PPARA: variants seen among roughly 807,000 people sequenced by gnomAD.
PPARA encodes peroxisome proliferator activated receptor alpha, also known as peroxisome proliferator-activated receptor alpha.
In PPARA, 22 loss-of-function variants were observed where a neutral mutation model predicts 42.2. That is an observed-to-expected ratio of 0.52 (90% CI 0.37 to 0.74). The LOEUF is 0.74. Among genes scored for constraint, PPARA ranks in the 30% least tolerant of loss-of-function variants. The pLI is 0.00. For missense variants in PPARA, 465 were observed against 608.2 expected, an observed-to-expected ratio of 0.76 and a Z score of 2.48; for synonymous variants, 242 against 239.3, an observed-to-expected ratio of 1.01 and a Z score of -0.10.
chr22:46,206,406 C>T (rs1489872859), intron 4 of PPARA, among the ~76,000 whole-genome samples: 2 of 152,196 alleles, frequency 1.3e-5, no homozygotes. Context: ...TGAGCCACCG[C>T]ACCCAGCCTA....
rs775433289 is a variant in PPARA at position 46,219,798 on chromosome 22, C to T, written c.509-14C>T. On this transcript the variant is annotated splice_polypyrimidine_tract_variant and intron_variant, in intron 6 of 8. Coordinates refer to ENST00000407236, the MANE Select transcript of PPARA (RefSeq NM_005036.6). This position sits in a 1 kb window ranked among gnomAD's most constrained non-coding sequence, Gnocchi z 4.8. ...CTCACTGCTCATGCCTGTGTTTCCC[C>T]CTCCAAACCCTAGCGATTCGTTTTG... 6.8e-6 allele frequency: 11 copies of T among 1,613,860 alleles called. No homozygotes were observed. The highest frequency in any genetic ancestry group is 9.3e-6 in the Non-Finnish European group (11 of 1,179,962).
intron 4 of PPARA, among the ~76,000 whole-genome samples, chr22:46,201,689 T>C (rs929933966): frequency 2.0e-5 from 3 of 152,086 alleles, no homozygotes; most frequent in South Asian, 4.1e-4. Context: ...GTCGTTGTTA[T>C]GTTTATTTAA....
At position 46,210,269 on chromosome 22, in the gene PPARA, A is replaced by G. The variant is rs1020179460; in HGVS notation, c.209-4904A>G. 2.9e-4 allele frequency among the ~76,000 whole-genome samples: 41 copies of G among 142,916 alleles called. 1 individual carries two copies. The highest frequency in any genetic ancestry group is 3.3e-3 in the Middle Eastern group (1 of 300). 93.8% of individuals were successfully genotyped at this position (142,916 alleles called of 152,430 possible). ...GGTTGTGGTGAGCCGAGATCACACC[A>G]TTGGACTCCAGCCTGGGCAACAAGA... On this transcript the variant is annotated intron_variant, in intron 4 of 8. Coordinates refer to ENST00000407236, the MANE Select transcript of PPARA (RefSeq NM_005036.6).
Position 46,188,475 on chromosome 22 carries a change from A to G in PPARA, c.-42-9867A>G. Among the ~76,000 whole-genome samples the G allele has an allele frequency of 6.6e-6, 1 of 152,186 alleles. No individual in the cohort carries two copies. Among genetic ancestry groups the G allele is most frequent in the African/African-American group, 2.4e-5 (1 of 41,512 alleles). On this transcript the variant is annotated intron_variant, in intron 3 of 8. Coordinates refer to ENST00000407236, the MANE Select transcript of PPARA (RefSeq NM_005036.6). This position sits in a 1 kb window ranked among gnomAD's most constrained non-coding sequence, Gnocchi z 5.0. ...CTCCCTGGCCCTCCAGGATTCCCCC[A>G]GTAACAGCCCTCATCATGCTGCCTT...
rs756154676 is a variant in PPARA, at chr22:46,198,421, C to A, written c.38C>A (p.Pro13Gln). The change falls in exon 4 of 9, where the codon CCA (proline) becomes CAA (glutamine). Residue 13 changes from proline (P) to glutamine (Q), a missense_variant. Physicochemically the swap from Pro to Gln is moderately conservative, Grantham distance 76. This residue lies in a region of PPARA where 152 missense variants were observed against 139.1 expected (regional missense o/e 1.09). Coordinates refer to ENST00000407236, the MANE Select transcript of PPARA (RefSeq NM_005036.6). Reference protein sequence around the residue: ...DTESPLCPLSPLEAGDLESPL... With the variant: ...DTESPLCPLSQLEAGDLESPL... ...GAAAGCCCACTCTGCCCCCTCTCCC[C>A]ACTCGAGGCCGGCGATCTAGAGAGC... 2.5e-6 allele frequency: 4 copies of A among 1,613,774 alleles called. No homozygotes were observed. Among genetic ancestry groups the A allele is most frequent in the African/African-American group, 1.3e-5 (1 of 74,848 alleles).
In PPARA at chr22:46,225,284, A is replaced by G. The variant is rs1156358006; in HGVS notation, c.711+5270A>G. On this transcript the variant is annotated intron_variant, in intron 7 of 8. Coordinates refer to ENST00000407236, the MANE Select transcript of PPARA (RefSeq NM_005036.6). This position sits in a 1 kb window ranked among gnomAD's most constrained non-coding sequence, Gnocchi z 4.1. ...GGGGAAGGGCGCCTCTGGGGAACTC[A>G]CTGCCCCTTGATTTGAGGGTAACAG... 1.3e-5 allele frequency among the ~76,000 whole-genome samples: 2 copies of G among 152,126 alleles called. No homozygotes were observed. The highest frequency in any genetic ancestry group is 4.8e-5 in the African/African-American group (2 of 41,412).
In PPARA at chr22:46,211,166, C is replaced by T. The variant is rs375879254; in HGVS notation, c.209-4007C>T. Among the ~76,000 whole-genome samples, 2 of 152,274 alleles carry T rather than the reference C, an allele frequency of 1.3e-5. No homozygotes were observed. Among genetic ancestry groups the T allele is most frequent in the East Asian group, 3.9e-4 (2 of 5,184 alleles). ...AACCTATGTCTATACAGGAATCTAT[C>T]GGTATTTCTGTCTGTGGCCATCTGT... On this transcript the variant is annotated intron_variant, in intron 4 of 8. Coordinates refer to ENST00000407236, the MANE Select transcript of PPARA (RefSeq NM_005036.6). The surrounding 1 kb of genome is among the most constrained non-coding windows in gnomAD (Gnocchi z 4.1).
rs1452388487 is a variant in PPARA, at chr22:46,225,221, G to A, written c.711+5207G>A. 6.6e-6 allele frequency among the ~76,000 whole-genome samples: 1 copy of A among 152,140 alleles called. No individual in the cohort carries two copies. The highest frequency in any genetic ancestry group is 1.5e-5 in the Non-Finnish European group (1 of 68,024). ...GACTGTTTGAGCCCCTGAGATTTCA[G>A]AACCGTGGGCCAGAAAATGGTCAGG... On this transcript the variant is annotated intron_variant, in intron 7 of 8. Transcript: ENST00000407236. The surrounding 1 kb of genome is among the most constrained non-coding windows in gnomAD (Gnocchi z 4.1).
At chr22:46,215,758 A>AAAAAAG (rs975059853) in intron 5 of PPARA, among the ~76,000 whole-genome samples, 1 of 152,058 alleles carries the variant, frequency 6.6e-6, no homozygotes, top group Non-Finnish European at 1.5e-5. Flanking sequence ...AAAAGAAAGA[A>AAAAAAG]AAAAAGAAAA....
intron 7 of PPARA, among the ~76,000 whole-genome samples, chr22:46,229,153 C>T (rs1935691848): frequency 6.6e-6 from 1 of 151,436 alleles, no homozygotes; most frequent in East Asian, 1.9e-4. Flanking sequence ...GCTGAATGTA[C>T]TTTAGAAAGA....
rs138022248 is a variant in PPARA at position 46,165,635 on chromosome 22, T to A, written c.-126-11118T>A. Among the ~76,000 whole-genome samples, 129 of 152,160 alleles carry A rather than the reference T, an allele frequency of 8.5e-4. No homozygotes were observed. Among genetic ancestry groups the A allele is most frequent in the African/African-American group, 2.9e-3 (119 of 41,516 alleles). On this transcript the variant is annotated intron_variant, in intron 2 of 8. Transcript: ENST00000407236. This position sits in a 1 kb window ranked among gnomAD's most constrained non-coding sequence, Gnocchi z 5.5. ...ACCCAAAAAAGCTCCATCCCAGGAG[T>A]ACAGGTGACCTGGAAACGGATCAGC... is the stretch of plus-strand genomic sequence containing the variant.
In PPARA at chr22:46,219,151, G is replaced by C. The variant is rs1007650321; in HGVS notation, c.509-661G>C. Among the ~76,000 whole-genome samples, 4 of 151,740 alleles carry C rather than the reference G, an allele frequency of 2.6e-5. No homozygotes were observed. Among genetic ancestry groups the C allele is most frequent in the African/African-American group, 9.7e-5 (4 of 41,284 alleles). On this transcript the variant is annotated intron_variant, in intron 6 of 8. Coordinates refer to ENST00000407236, the MANE Select transcript of PPARA (RefSeq NM_005036.6). This position sits in a 1 kb window ranked among gnomAD's most constrained non-coding sequence, Gnocchi z 4.8. Reference sequence around the variant, plus strand: ...CACTCCAGCCTGGGCGACAGAGTGCGACTCCGTCTCAAAAAAAAAGAAAAA... The same window carrying C: ...CACTCCAGCCTGGGCGACAGAGTGCCACTCCGTCTCAAAAAAAAAGAAAAA...
intron 3 of PPARA, among the ~76,000 whole-genome samples, chr22:46,186,518 A>G (rs917685142): frequency 6.6e-6 from 1 of 152,134 alleles, no homozygotes; most frequent in Non-Finnish European, 1.5e-5. Context: ...AAGGAGCAGC[A>G]CCATGTGCCC....
chr22:46,232,201 A>T lies in PPARA; in HGVS notation c.1121A>T (p.Asp374Val). ...KFNALELDDS[D>V]ISLFVAAIIC... is the part of the protein sequence containing the mutation. ...AATGCACTGGAACTGGATGACAGTG[A>T]TATCTCCCTTTTTGTGGCTGCTATC... Residue 374 changes from aspartate to valine, a missense_variant, in exon 8 of 9, where the codon GAT becomes GTT. By Grantham distance (152) the Asp-to-Val change is radical (BLOSUM62 -3). Transcript: ENST00000407236. This position sits in a 1 kb window ranked among gnomAD's most constrained non-coding sequence, Gnocchi z 5.3. 2 of 1,614,186 alleles carry T rather than the reference A, an allele frequency of 1.2e-6. No individual in the cohort carries two copies. The highest frequency in any genetic ancestry group is 1.7e-6 in the Non-Finnish European group (2 of 1,180,032).
chr22:46,197,919 T>A (rs569001116), intron 3 of PPARA, among the ~76,000 whole-genome samples: 2 of 146,676 alleles, frequency 1.4e-5, no homozygotes, highest in Non-Finnish European at 3.0e-5. Flanking sequence ...ATAAAAAAAA[T>A]TAAAAATTAA....
rs1935056774 is a variant in PPARA at position 46,222,166 on chromosome 22, T to C, written c.711+2152T>C. ...CTGGACCTTTTCAGAGGCAGCCAAA[T>C]TGCCCCTCATGGTTCGTCCCCCACA... On this transcript the variant is annotated intron_variant, in intron 7 of 8. Transcript: ENST00000407236. This position sits in a 1 kb window ranked among gnomAD's most constrained non-coding sequence, Gnocchi z 5.9. Among the ~76,000 whole-genome samples, 1 of 151,936 alleles carries C rather than the reference T, an allele frequency of 6.6e-6. No individual in the cohort carries two copies. Among genetic ancestry groups the C allele is most frequent in the South Asian group, 2.1e-4 (1 of 4,820 alleles).
At position 46,240,251 on chromosome 22, in the gene PPARA, G is replaced by T. The variant is rs187517722; in HGVS notation, c.*4871G>T. 1 of 398,698 alleles carries T rather than the reference G, an allele frequency of 2.5e-6. No homozygotes were observed. The highest frequency in any genetic ancestry group is 2.1e-5 in the African/African-American group (1 of 48,754). 24.7% of individuals were successfully genotyped at this position (398,698 alleles called of 1,614,324 possible). On this transcript the variant is annotated 3_prime_UTR_variant, in exon 9 of 9. Transcript: ENST00000407236. This position sits in a 1 kb window ranked among gnomAD's most constrained non-coding sequence, Gnocchi z 6.0. ...GTGGTCTCCTCAGCTGTTTGAGGGG[G>T]TAACAGCAAATCAGCCTCCATTTTA...
rs1483882915 is a variant in PPARA at position 46,218,334 on chromosome 22, A to G, written c.441A>G (p.Lys147=). The G allele has an allele frequency of 2.0e-5, 33 of 1,614,200 alleles. No individual in the cohort carries two copies. Among genetic ancestry groups the G allele is most frequent in the Non-Finnish European group, 2.8e-5 (33 of 1,180,046 alleles). ...GCGACCGCAGCTGCAAGATCCAGAA[A>G]AAGAACAGAAACAAATGCCAGTATT... ...DKCDRSCKIQ[K]KNRNKCQYCR... is the part of the protein sequence containing the mutation. The change falls in exon 6 of 9, where the codon AAA becomes AAG. Residue 147 remains lysine (K), a synonymous_variant. Transcript: ENST00000407236.
At chr22:46,185,300 A>G (rs1289454213) in intron 3 of PPARA, among the ~76,000 whole-genome samples, 1 of 152,170 alleles carries the variant, frequency 6.6e-6, no homozygotes, top group Non-Finnish European at 1.5e-5. Flanking sequence ...TTATTCTCTG[A>G]ATATCCCTTT....
Sources: gnomAD v4.1 joint callset for allele counts (sites outside exome capture counted in the v4.1 genomes callset) on GRCh38, gnomAD v4.1.1 for gene constraint, gnomAD v4.1.1 regional missense constraint, Gnocchi (gnomAD v3.1) non-coding constraint, MANE v1.5 for transcripts, NCBI Gene and HGNC (gene_info 2026-07-23, HGNC 2026-07-21) for gene names.